Variants in PCCB observed in about 807,000 individuals in gnomAD.
PCCB encodes propionyl-CoA carboxylase subunit beta.
PCCB carries 43 observed loss-of-function variants against 60.7 expected under a neutral mutation model. That is an observed-to-expected ratio of 0.71 (90% CI 0.55 to 0.91). The LOEUF (loss-of-function observed/expected upper bound fraction) is 0.91, where lower values mean the gene tolerates loss of function less well. PCCB is among the 40% of genes least tolerant of loss of function. The pLI is 0.00. For synonymous variants in PCCB, 276 were observed against 255.9 expected (o/e 1.08, Z -0.75); for missense variants, 766 against 702.8 (o/e 1.09, Z -1.02).
At chr3:136,283,243 C>A (rs1942525400) in intron 5 of PCCB, among the ~76,000 whole-genome samples, 1 of 152,164 alleles carries the variant, frequency 6.6e-6, no homozygotes, top group African/African-American at 2.4e-5. Flanking sequence ...CCTATCTTTC[C>A]TGAGGCTTAG....
At chr3:136,310,279 C>G (rs1218226686) in intron 9 of PCCB, among the ~76,000 whole-genome samples, 1 of 151,914 alleles carries the variant, frequency 6.6e-6, no homozygotes, top group African/African-American at 2.4e-5. Flanking sequence ...AGGAGAATTG[C>G]TTGAACCCAG....
At chr3:136,320,167 T>G (rs1464647344) in intron 10 of PCCB, among the ~76,000 whole-genome samples, 1 of 152,224 alleles carries the variant, frequency 6.6e-6, no homozygotes, top group Admixed American at 6.5e-5. Context: ...TAGGATTGTT[T>G]TAGGCATTTG....
rs369008776 is a variant in PCCB, at chr3:136,301,084, C to T, written c.939C>T (p.Ala313=). The change falls in exon 9 of 15, where the codon GCC becomes GCT. Residue 313 remains alanine (A), a synonymous_variant. Coordinates refer to ENST00000251654, the MANE Select transcript of PCCB (RefSeq NM_000532.5). The stretch of plus-strand genomic sequence containing the variant: ...TTGTCCCTTTGGAATCAACCAAAGC[C>T]TACAACATGGTGGACATCATACACT... ...DTIVPLESTK[A]YNMVDIIHSV... The T allele has an allele frequency of 1.7e-5, 28 of 1,613,910 alleles. No individual in the cohort carries two copies. Among genetic ancestry groups the T allele is most frequent in the Middle Eastern group, 1.6e-4 (1 of 6,082 alleles).
At chr3:136,286,377 A>G (rs1050867649) in intron 6 of PCCB, among the ~76,000 whole-genome samples, 3 of 152,216 alleles carry the variant, frequency 2.0e-5, no homozygotes, top group East Asian at 3.8e-4. Flanking sequence ...CTGTTCCTCC[A>G]GGATTATATT....
At chr3:136,302,489 A>G (rs1183731240) in intron 9 of PCCB, among the ~76,000 whole-genome samples, 1 of 119,970 alleles carries the variant, frequency 8.3e-6, no homozygotes. Flanking sequence ...ATATCCTGCT[A>G]CCTATTAAAT....
At chr3:136,304,672 ACTG>A (rs2040192296) in intron 9 of PCCB, among the ~76,000 whole-genome samples, 1 of 114,486 alleles carries the variant, frequency 8.7e-6, no homozygotes, top group African/African-American at 2.6e-5. Context: ...GATGTGAGCC[ACTG>A]TGCCCGGCTG....
intron 5 of PCCB, among the ~76,000 whole-genome samples, chr3:136,273,911 CAAAAAAAA>C (rs34690853): frequency 5.4e-5 from 3 of 55,512 alleles, no homozygotes; most frequent in South Asian, 9.6e-4. Flanking sequence ...GACTCTGTCT[CAAAAAAAA>C]AAAAAAAAAA....
intron 3 of PCCB, chr3:136,260,057 T>A (rs761240780): frequency 3.9e-6 from 1 of 256,232 alleles, no homozygotes; most frequent in Non-Finnish European, 7.5e-6. Flanking sequence ...CGGGCAACTT[T>A]TTTTGTTTTG....
chr3:136,256,483 A>C (rs1431243812), intron 2 of PCCB, 72 bp from the exon 3 acceptor site: 4 of 1,071,664 alleles, frequency 3.7e-6, no homozygotes, highest in Admixed American at 1.7e-5. Context: ...TCTTTCATTG[A>C]GGCATAGTGG....
At chr3:136,262,141 C>G (rs1195326484) in intron 5 of PCCB, 76 bp downstream of exon 5, 2 of 897,604 alleles carry the variant, frequency 2.2e-6, no homozygotes, top group South Asian at 1.4e-5. Flanking sequence ...CAGAGCTTCT[C>G]CAACTCTCCT....
At chr3:136,287,851 T>G (rs1375458686) in intron 6 of PCCB, among the ~76,000 whole-genome samples, 1 of 152,236 alleles carries the variant, frequency 6.6e-6, no homozygotes, top group African/African-American at 2.4e-5. Context: ...ATATGTGTCT[T>G]GGTGCGCACA....
intron 5 of PCCB, among the ~76,000 whole-genome samples, chr3:136,277,474 G>A (rs1218552977): frequency 1.3e-5 from 2 of 152,026 alleles, no homozygotes; most frequent in Non-Finnish European, 2.9e-5. Context: ...GGTCCATAAA[G>A]CTGCCAAAAG....
In PCCB at chr3:136,320,071, A is replaced by T. The variant is rs576396845; in HGVS notation, c.1090+3007A>T. ...TCTGTTGGTCTGTATGTCTGTCCATATTCCAGTGTCACACTGTTTTGATTA... is the reference window on the plus strand; with the variant it reads ...TCTGTTGGTCTGTATGTCTGTCCATTTTCCAGTGTCACACTGTTTTGATTA... On this transcript the variant is annotated intron_variant, in intron 10 of 14. Coordinates refer to ENST00000251654, the MANE Select transcript of PCCB (RefSeq NM_000532.5). 2.0e-5 allele frequency among the ~76,000 whole-genome samples: 3 copies of T among 152,314 alleles called. No homozygotes were observed. In the South Asian group the frequency reaches 6.2e-4, roughly 32 times the overall value.
At chr3:136,250,582 A>T in intron 1 of PCCB, 24 bp downstream of exon 1, 1 of 1,593,466 alleles carries the variant, frequency 6.3e-7, no homozygotes, top group Non-Finnish European at 8.6e-7. Flanking sequence ...GGCCTAAGTG[A>T]GTCCCGCCCC....
chr3:136,323,992 G>A (rs200325887), intron 10 of PCCB, among the ~76,000 whole-genome samples: 17 of 128,730 alleles, frequency 1.3e-4, no homozygotes, highest in Non-Finnish European at 2.5e-4. Flanking sequence ...CCCAAGCTTT[G>A]TTTTTTTTTT....
chr3:136,304,390 A>AT lies in PCCB; in HGVS notation c.966+3288dup, dbSNP rs566146533. 5.8e-3 allele frequency among the ~76,000 whole-genome samples: 663 copies of AT among 113,758 alleles called. 128 individuals carry two copies. The highest frequency in any genetic ancestry group is 0.051 in the Middle Eastern group (11 of 214). 74.6% of individuals were successfully genotyped at this position (113,758 alleles called of 152,430 possible). ...GGCTGGCTTTTCCAATTATTTATTT[A>AT]TTTTTTTTTGAGTTGGAGTCTGGCT... is the stretch of plus-strand genomic sequence containing the variant. On this transcript the variant is annotated intron_variant, in intron 9 of 14. Coordinates refer to ENST00000251654, the MANE Select transcript of PCCB (RefSeq NM_000532.5).
intron 1 of PCCB, among the ~76,000 whole-genome samples, chr3:136,253,274 A>G (rs1291778454): frequency 2.0e-5 from 3 of 151,444 alleles, no homozygotes; most frequent in Non-Finnish European, 4.4e-5. Flanking sequence ...GAGTTTTAGT[A>G]TAGACGGGGT....
intron 3 of PCCB, chr3:136,260,178 A>G (rs938208307): frequency 2.6e-5 from 12 of 455,900 alleles, no homozygotes; most frequent in African/African-American, 8.0e-5. Flanking sequence ...GGCTCAAGCA[A>G]TCCTCCTGCC....
intron 5 of PCCB, among the ~76,000 whole-genome samples, chr3:136,264,196 CTA>C (rs1346661331): frequency 6.6e-6 from 1 of 151,868 alleles, no homozygotes; most frequent in African/African-American, 2.4e-5. Context: ...ATTGGAGATA[CTA>C]TGTCTTCTTT....
Sources: gnomAD v4.1 joint callset for allele counts (sites outside exome capture counted in the v4.1 genomes callset) on GRCh38, gnomAD v4.1.1 for gene constraint, MANE v1.5 for transcripts, NCBI Gene and HGNC (gene_info 2026-07-23, HGNC 2026-07-21) for gene names.